Variants in ANKRD18A observed in about 807,000 individuals in gnomAD.
ANKRD18A encodes ankyrin repeat domain 18A, also known as ankyrin repeat domain-containing protein 18A.
ANKRD18A carries 72 observed loss-of-function variants against 110.6 expected under a neutral mutation model. The ratio of observed to expected loss-of-function variants is 0.65; its 90% confidence interval spans 0.54 to 0.79. The LOEUF is 0.79. Ranked by LOEUF, ANKRD18A falls within the 30% of genes least tolerant of loss-of-function variation. The pLI, the probability that ANKRD18A is intolerant of heterozygous loss-of-function variation, is 0.00. For missense variants in ANKRD18A, 934 were observed against 1,163.3 expected, an observed-to-expected ratio of 0.80 and a Z score of 2.87; for synonymous variants, 305 against 410.3, an observed-to-expected ratio of 0.74 and a Z score of 3.10.
intron 4 of ANKRD18A, among the ~76,000 whole-genome samples, 162 bp from the exon 5 acceptor site, chr9:38,610,572 G>A (rs1394298756): frequency 6.6e-6 from 1 of 152,120 alleles, no homozygotes; most frequent in African/African-American, 2.4e-5. Context: ...GTGCTCAAGT[G>A]TTCATCTTGT....
rs1280289692 is a variant in ANKRD18A at position 38,593,653 on chromosome 9, T to C, written c.2004+107A>G. The stretch of plus-strand genomic sequence containing the variant: ...ATAATAAAATGGTAATGATCAATTA[T>C]AATAAAATATAAAATCAAGCTGTCC... On this transcript the variant is annotated intron_variant, in intron 10 of 15. Transcript: ENST00000399703. 4.4e-6 allele frequency: 5 copies of C among 1,133,716 alleles called. No homozygotes were observed. In the African/African-American group the frequency reaches 6.4e-5, roughly 15 times the overall value. The allele number at this position is 1,133,716 out of a possible 1,614,324, so 70.2% of individuals were successfully genotyped here.
intron 12 of ANKRD18A, among the ~76,000 whole-genome samples, chr9:38,584,544 T>C (rs1217897592): frequency 6.6e-6 from 1 of 152,202 alleles, no homozygotes; most frequent in Non-Finnish European, 1.5e-5. Flanking sequence ...GTGAATTGCA[T>C]GGTGTGTTAA....
chr9:38,609,932 C>A (rs1825532409), intron 5 of ANKRD18A, among the ~76,000 whole-genome samples: 2 of 140,888 alleles, frequency 1.4e-5, no homozygotes, highest in African/African-American at 2.6e-5. Context: ...CATAGTGAGA[C>A]CTTGTCTCAA....
chr9:38,568,338 T>TGA (rs1431106803), downstream of ANKRD18A: 12 of 152,068 alleles, frequency 7.9e-5, no homozygotes, highest in African/African-American at 2.9e-4. Context: ...GTGGTTGCAT[T>TGA]GAGGCCTGTG....
chr9:38,588,576 G>C lies in ANKRD18A; in HGVS notation c.2092C>G (p.Arg698Gly), dbSNP rs139070805. 7.4e-7 allele frequency: 1 copy of C among 1,357,220 alleles called. No individual in the cohort carries two copies. The allele number at this position is 1,357,220 out of a possible 1,614,324, so 84.1% of individuals were successfully genotyped here. A position where few individuals can be genotyped will look rare whatever the true frequency, so the allele number is the denominator to read the frequency against. The change falls in exon 11 of 16, where the codon CGT (arginine) becomes GGT (glycine). Residue 698 changes from arginine (R) to glycine (G), a missense_variant. This residue lies in a region of ANKRD18A where 79 missense variants were observed against 122.8 expected (regional missense o/e 0.64). Coordinates refer to ENST00000399703, the MANE Select transcript of ANKRD18A (RefSeq NM_147195.4). The part of the protein sequence containing the change: ...YTADQIRKKN[R>G]ELEEEATGYK... ...CCAGTTGCCTCTTCTTCTAATTCAC[G>C]ATTTTTCTTTCTTATTTGGTCCGCA... is the stretch of plus-strand genomic sequence containing the variant.
chr9:38,570,044 C>T (rs1312631828), downstream of ANKRD18A, among the ~76,000 whole-genome samples: 2 of 152,150 alleles, frequency 1.3e-5, no homozygotes. Flanking sequence ...AACCCCCTGC[C>T]TGAGGTCACA....
intron 12 of ANKRD18A, among the ~76,000 whole-genome samples, chr9:38,584,514 G>A (rs924526571): frequency 6.6e-6 from 1 of 152,120 alleles, no homozygotes; most frequent in African/African-American, 2.4e-5. Flanking sequence ...AAAATTGAAT[G>A]ACTTGTATAT....
At chr9:38,612,458 G>A (rs1264167307) in intron 3 of ANKRD18A, among the ~76,000 whole-genome samples, 1 of 150,798 alleles carries the variant, frequency 6.6e-6, no homozygotes. Context: ...TGCTAATACT[G>A]ATGTATAGGG....
chr9:38,588,897 T>C lies in ANKRD18A; in HGVS notation c.2005-234A>G, dbSNP rs552765892. Among the ~76,000 whole-genome samples, 223 of 152,330 alleles carry C rather than the reference T, an allele frequency of 1.5e-3. 1 individual carries two copies. The highest frequency in any genetic ancestry group is 5.0e-3 in the African/African-American group (206 of 41,594). Reference sequence around the variant, plus strand: ...TCTGAAATTTAAACTGCCAAAAATGTTTGTTAAAAATGAGAGTTTTTACAC... The same window carrying C: ...TCTGAAATTTAAACTGCCAAAAATGCTTGTTAAAAATGAGAGTTTTTACAC... On this transcript the variant is annotated intron_variant, in intron 10 of 15. Transcript: ENST00000399703.
At chr9:38,597,244 T>A (rs1421974381) in intron 8 of ANKRD18A, among the ~76,000 whole-genome samples, 1 of 152,190 alleles carries the variant, frequency 6.6e-6, no homozygotes, top group Non-Finnish European at 1.5e-5. Context: ...GCTTTCCCTT[T>A]TCTGCACTAA....
At chr9:38,598,339 G>A (rs1456744606) in intron 8 of ANKRD18A, among the ~76,000 whole-genome samples, 3 of 152,156 alleles carry the variant, frequency 2.0e-5, no homozygotes, top group Non-Finnish European at 2.9e-5. Context: ...TTAGGTTGAT[G>A]AATGAACAAA....
rs1376916540 is a variant in ANKRD18A at position 38,620,195 on chromosome 9, G to A, written c.91C>T (p.Arg31Trp). ...TGGATCTTCCGCAGTTCCCAGTCCC[G>A]AATGTCGTAACCCGGACCCGCATAC... ...QEYAGPGYDI[R>W]DWELRKIHRA... is the part of the protein sequence containing the mutation. The change falls in exon 1 of 16, where the codon CGG (arginine) becomes TGG (tryptophan). Residue 31 changes from arginine to tryptophan, a missense_variant. Around this residue, in one of 4 missense-constraint regions of ANKRD18A, gnomAD observed 630 missense variants for 797.5 expected, o/e 0.79. Coordinates refer to ENST00000399703, the MANE Select transcript of ANKRD18A (RefSeq NM_147195.4). 1 of 1,555,234 alleles carries A rather than the reference G, an allele frequency of 6.4e-7. No homozygotes were observed. Among genetic ancestry groups the A allele is most frequent in the Non-Finnish European group, 8.7e-7 (1 of 1,149,038 alleles).
rs141647960 is a variant in ANKRD18A at position 38,575,685 on chromosome 9, T to C, written c.2755A>G (p.Ile919Val). The C allele has an allele frequency of 2.3e-4, 362 of 1,551,190 alleles. 2 individuals carry two copies. In the African/African-American group the frequency reaches 4.4e-3, roughly 19 times the overall value. Reference sequence around the variant, plus strand: ...AAGAGCTTGGTGCTGATCACTGCTATTTTCTTATCCGATCTGTAAAGAGAG... The same window carrying C: ...AAGAGCTTGGTGCTGATCACTGCTACTTTCTTATCCGATCTGTAAAGAGAG... ...SKKLMKSDKK[I>V]AVISTKLFTE... is the part of the protein sequence containing the mutation. Residue 919 changes from isoleucine (I) to valine (V), a missense_variant, in exon 15 of 16, where the codon ATA becomes GTA. Physicochemically the swap from Ile to Val is conservative, Grantham distance 29 (BLOSUM62 3). This residue lies in a region of ANKRD18A where 223 missense variants were observed against 226.7 expected (regional missense o/e 0.98). Transcript: ENST00000399703.
intron 14 of ANKRD18A, among the ~76,000 whole-genome samples, chr9:38,576,322 T>C (rs948060754): frequency 6.6e-6 from 1 of 152,152 alleles, no homozygotes; most frequent in Non-Finnish European, 1.5e-5. Context: ...CTAGACTGGT[T>C]GGTTGGTGAT....
rs756810837 is a variant in ANKRD18A at position 38,601,216 on chromosome 9, A to G, written c.863-12T>C. 1 of 1,549,490 alleles carries G rather than the reference A, an allele frequency of 6.5e-7. No individual in the cohort carries two copies. Among genetic ancestry groups the G allele is most frequent in the Non-Finnish European group, 8.7e-7 (1 of 1,144,844 alleles). Reference sequence around the variant, plus strand: ...TAGGTTGTGTTCTGCTGACAAATCCATATGTTTAGTTAAAATGAATGATTT... The same window carrying G: ...TAGGTTGTGTTCTGCTGACAAATCCGTATGTTTAGTTAAAATGAATGATTT... On this transcript the variant is annotated splice_polypyrimidine_tract_variant and intron_variant, in intron 7 of 15. Transcript: ENST00000399703.
intron 15 of ANKRD18A, among the ~76,000 whole-genome samples, chr9:38,573,402 G>A (rs1265580039): frequency 6.6e-6 from 1 of 152,150 alleles, no homozygotes; most frequent in Non-Finnish European, 1.5e-5. Context: ...ATTTTAGAAA[G>A]GTGGTGTTTT....
chr9:38,586,063 A>T, intron 12 of ANKRD18A, 120 bp downstream of exon 12: 1 of 1,096,944 alleles, frequency 9.1e-7, no homozygotes, highest in South Asian at 1.7e-5. Flanking sequence ...CTTAATACCT[A>T]GGTGATGCAT....
intron 12 of ANKRD18A, among the ~76,000 whole-genome samples, chr9:38,585,148 C>T (rs1228754021): frequency 6.6e-6 from 1 of 152,070 alleles, no homozygotes; most frequent in Admixed American, 6.5e-5. Flanking sequence ...GGAAGATTAA[C>T]TAAGATCCTG....
At chr9:38,589,509 GC>G (rs1260391434) in intron 10 of ANKRD18A, among the ~76,000 whole-genome samples, 2 of 152,214 alleles carry the variant, frequency 1.3e-5, no homozygotes, top group African/African-American at 4.8e-5. Flanking sequence ...GTAACTGTAA[GC>G]CTGCTTCAAG....
Sources: gnomAD v4.1 joint callset for allele counts (sites outside exome capture counted in the v4.1 genomes callset) on GRCh38, gnomAD v4.1.1 for gene constraint, gnomAD v4.1.1 regional missense constraint, MANE v1.5 for transcripts, NCBI Gene and HGNC (gene_info 2026-07-23, HGNC 2026-07-21) for gene names.